KAZN: variants seen among roughly 807,000 people sequenced by gnomAD.
KAZN encodes the protein kazrin.
KAZN carries 40 observed loss-of-function variants against 87.4 expected under a neutral mutation model. That is an observed-to-expected ratio of 0.46 (90% CI 0.36 to 0.60). The LOEUF (loss-of-function observed/expected upper bound fraction) is 0.60, where lower values mean the gene tolerates loss of function less well. KAZN is among the 20% of genes least tolerant of loss of function. The probability of loss-of-function intolerance (pLI) is 0.00; values close to 1 mark genes in which losing one functional copy is unlikely to be tolerated. For missense variants in KAZN, 898 were observed against 1,073.9 expected, an observed-to-expected ratio of 0.84 and a Z score of 2.29; for synonymous variants, 466 against 458.3, an observed-to-expected ratio of 1.02 and a Z score of -0.22.
At chr1:14,150,143 T>C (rs1023596243) in intron 1 of KAZN, among the ~76,000 whole-genome samples, 5 of 152,164 alleles carry the variant, frequency 3.3e-5, no homozygotes, top group Admixed American at 3.3e-4. Flanking sequence ...AAATAGAGGT[T>C]CCCAGAGACG....
intron 1 of KAZN, among the ~76,000 whole-genome samples, chr1:14,812,814 T>G (rs1340300304): frequency 1.3e-5 from 2 of 152,182 alleles, no homozygotes; most frequent in Admixed American, 1.3e-4. Flanking sequence ...ATGCCCAGAC[T>G]TAAGCTTGAT....
chr1:13,907,839 T>G (rs1263095601), intron 1 of KAZN, among the ~76,000 whole-genome samples: 1 of 152,178 alleles, frequency 6.6e-6, no homozygotes, highest in Non-Finnish European at 1.5e-5. Context: ...ACATTTTTTT[T>G]GGCTTGGATG....
At chr1:14,750,025 G>T (rs1181582480) in intron 1 of KAZN, among the ~76,000 whole-genome samples, 2 of 152,048 alleles carry the variant, frequency 1.3e-5, no homozygotes, top group East Asian at 3.9e-4. Flanking sequence ...AAAAAGGTGG[G>T]GGGTGCATGC....
intron 1 of KAZN, among the ~76,000 whole-genome samples, chr1:13,996,820 C>G (rs762209314): frequency 6.6e-6 from 1 of 152,098 alleles, no homozygotes; most frequent in South Asian, 2.1e-4. Flanking sequence ...GGTTTCCCCC[C>G]AAGCGAAGCA....
chr1:13,903,519 C>T (rs1189327591), intron 1 of KAZN, among the ~76,000 whole-genome samples: 2 of 152,152 alleles, frequency 1.3e-5, no homozygotes, highest in Non-Finnish European at 1.5e-5. Flanking sequence ...GGACTCCCAT[C>T]GAAGGACAAA....
chr1:14,055,934 G>A (rs754204116), intron 1 of KAZN, among the ~76,000 whole-genome samples: 2 of 152,220 alleles, frequency 1.3e-5, no homozygotes, highest in South Asian at 2.1e-4. Flanking sequence ...GGTCTTAATC[G>A]TTCCCTTCAC....
At chr1:14,321,219 G>A (rs1656029260) in intron 2 of KAZN, among the ~76,000 whole-genome samples, 3 of 152,092 alleles carry the variant, frequency 2.0e-5, no homozygotes, top group African/African-American at 2.4e-5. Flanking sequence ...TTTATTGATC[G>A]AGATGTGGGC....
intron 2 of KAZN, among the ~76,000 whole-genome samples, chr1:14,560,800 G>A (rs551467033): frequency 6.6e-6 from 1 of 152,286 alleles, no homozygotes; most frequent in South Asian, 2.1e-4. Flanking sequence ...AAAGGCAAGG[G>A]AGAGAGGAGT....
At chr1:14,264,413 C>T (rs1395459577) in intron 2 of KAZN, among the ~76,000 whole-genome samples, 1 of 152,160 alleles carries the variant, frequency 6.6e-6, no homozygotes, top group Non-Finnish European at 1.5e-5. Flanking sequence ...AATGCAACAG[C>T]GTTGGAAGGT....
At chr1:13,905,589 G>T (rs1049667453) in intron 1 of KAZN, among the ~76,000 whole-genome samples, 1 of 152,170 alleles carries the variant, frequency 6.6e-6, no homozygotes, top group African/African-American at 2.4e-5. Flanking sequence ...GATAGCTGGT[G>T]TGTGAATATG....
At chr1:14,893,788 C>T (rs979833146) in intron 1 of KAZN, among the ~76,000 whole-genome samples, 1 of 152,148 alleles carries the variant, frequency 6.6e-6, no homozygotes, top group African/African-American at 2.4e-5. Flanking sequence ...TTTGAAAAGT[C>T]CCTTTCACAA....
chr1:14,622,689 C>CAAA (rs3087165), intron 1 of KAZN, among the ~76,000 whole-genome samples: 2 of 113,462 alleles, frequency 1.8e-5, no homozygotes, highest in Non-Finnish European at 1.8e-5. Context: ...GACTCCATCT[C>CAAA]AAAAAAAAAA....
intron 13 of KAZN, among the ~76,000 whole-genome samples, chr1:15,110,213 TTG>T (rs571695171): frequency 2.8e-5 from 4 of 144,774 alleles, no homozygotes; most frequent in East Asian, 2.0e-4. Context: ...TAGGTGGTGT[TTG>T]TGTGTGTTTG....
chr1:14,054,162 T>TA (rs969607323), intron 1 of KAZN, among the ~76,000 whole-genome samples: 39 of 150,160 alleles, frequency 2.6e-4, no homozygotes, highest in Middle Eastern at 3.4e-3. Flanking sequence ...ATATTTACTG[T>TA]AAAAAAAAAA....
intron 2 of KAZN, among the ~76,000 whole-genome samples, chr1:14,368,152 G>A (rs960050984): frequency 8.5e-5 from 13 of 152,102 alleles, no homozygotes. Context: ...GGCATTCAAT[G>A]TGTTTGTTGA....
intron 2 of KAZN, among the ~76,000 whole-genome samples, chr1:14,243,761 T>C (rs1039213067): frequency 6.6e-5 from 10 of 152,274 alleles, no homozygotes; most frequent in African/African-American, 2.4e-4. Context: ...AAATTTAAGA[T>C]GGGGGTCTGC....
chr1:14,060,231 C>T (rs1642736702), intron 1 of KAZN, among the ~76,000 whole-genome samples: 1 of 152,046 alleles, frequency 6.6e-6, no homozygotes, highest in Non-Finnish European at 1.5e-5. Flanking sequence ...GGCGTGGCAG[C>T]ATGCGCCTGT....
At chr1:14,867,007 G>C (rs1651530848) in intron 1 of KAZN, among the ~76,000 whole-genome samples, 2 of 152,236 alleles carry the variant, frequency 1.3e-5, no homozygotes. Flanking sequence ...AAAGAAGCAG[G>C]ATGCTAAGTG....
At chr1:14,715,452 G>A (rs572414684) in intron 1 of KAZN, among the ~76,000 whole-genome samples, 1 of 152,236 alleles carries the variant, frequency 6.6e-6, no homozygotes, top group Non-Finnish European at 1.5e-5. Flanking sequence ...CAGCGAAGCT[G>A]TTTCCTCCAT....
Sources: gnomAD v4.1 joint callset for allele counts (sites outside exome capture counted in the v4.1 genomes callset) on GRCh38, gnomAD v4.1.1 for gene constraint, MANE v1.5 for transcripts, NCBI Gene and HGNC (gene_info 2026-07-23, HGNC 2026-07-21) for gene names.